Variants in JMJD8 observed in about 807,000 individuals in gnomAD.
JMJD8 encodes the protein jumonji domain containing 8.
In JMJD8, 56 loss-of-function variants were observed where a neutral mutation model predicts 37.6. That is an observed-to-expected ratio of 1.49 (90% CI 1.20 to 1.86). The LOEUF is 1.86. Ranked by LOEUF, JMJD8 falls within the 40% of genes most tolerant of loss-of-function variation. The pLI is 0.00. For synonymous variants in JMJD8, 261 were observed against 163.7 expected (o/e 1.59, Z -4.54); for missense variants, 542 against 362.7 (o/e 1.49, Z -4.01).
chr16:682,205 T>C lies in JMJD8; in HGVS notation c.*589A>G. 1.2e-6 allele frequency: 2 copies of C among 1,612,952 alleles called. No homozygotes were observed. The highest frequency in any genetic ancestry group is 1.1e-5 in the South Asian group (1 of 91,080). ...GACTACCTGTGTGGCAAGATCAGCT[T>C]TGAGCTGATGCGGGAGCCGTGCATC... is the stretch of plus-strand genomic sequence containing the variant. On this transcript the variant is annotated 3_prime_UTR_variant, in exon 9 of 9. Transcript: ENST00000609261.
In JMJD8 at chr16:684,097, C is replaced by G. The variant is rs760089381; in HGVS notation, c.145G>C (p.Ala49Pro). Residue 49 changes from alanine to proline, a missense_variant, in exon 2 of 9, where the codon GCC becomes CCC. By Grantham distance (27) the Ala-to-Pro change is conservative. Coordinates refer to ENST00000609261, the MANE Select transcript of JMJD8 (RefSeq NM_001005920.4). ...EEERCTVERR[A>P]DLTYAEFVQQ... ...ACGAACTCCGCGTAGGTGAGGTCGG[C>G]CCGACGCTCCACCGTGCAGCGCTCC... 6.4e-7 allele frequency: 1 copy of G among 1,571,220 alleles called. No homozygotes were observed. The highest frequency in any genetic ancestry group is 8.6e-7 in the Non-Finnish European group (1 of 1,167,184).
At position 684,071 on chromosome 16, in the gene JMJD8, C is replaced by T; in HGVS notation, c.171G>A (p.Val57=). 2 of 1,580,280 alleles carry T rather than the reference C, an allele frequency of 1.3e-6. No individual in the cohort carries two copies. Among genetic ancestry groups the T allele is most frequent in the Non-Finnish European group, 1.7e-6 (2 of 1,171,606 alleles). Reference sequence around the variant, plus strand: ...GCGATCAGGGGCGCACGTACTGCTGCACGAACTCCGCGTAGGTGAGGTCGG... The same window carrying T: ...GCGATCAGGGGCGCACGTACTGCTGTACGAACTCCGCGTAGGTGAGGTCGG... ...RRADLTYAEF[V]QQYAFVRPVI... is the part of the protein sequence containing the mutation. Residue 57 remains valine (V), a synonymous_variant, in exon 2 of 9, where the codon GTG becomes GTA. Coordinates refer to ENST00000609261, the MANE Select transcript of JMJD8 (RefSeq NM_001005920.4).
At chr16:683,982 A>T in intron 2 of JMJD8, 73 bp from the exon 3 acceptor site, 2 of 1,555,666 alleles carry the variant, frequency 1.3e-6, no homozygotes, top group Non-Finnish European at 1.7e-6. Context: ...CGTGCGCGCG[A>T]GGTCAGGGGA....
rs767441746 is a variant in JMJD8 at position 682,065 on chromosome 16, G to A, written c.*729C>T. The stretch of plus-strand genomic sequence containing the variant: ...GGACGAGCTTTTTTCTCAGGTGGAT[G>A]AGAAGAGGAAGGTGAGTGTGTGTCG... On this transcript the variant is annotated 3_prime_UTR_variant, in exon 9 of 9. Coordinates refer to ENST00000609261, the MANE Select transcript of JMJD8 (RefSeq NM_001005920.4). The A allele has an allele frequency of 2.5e-6, 4 of 1,584,030 alleles. No individual in the cohort carries two copies. Among genetic ancestry groups the A allele is most frequent in the African/African-American group, 1.3e-5 (1 of 74,620 alleles).
At chr16:683,625 G>T (rs768642948) in intron 4 of JMJD8, 27 bp from the exon 5 acceptor site, 7 of 1,576,128 alleles carry the variant, frequency 4.4e-6, no homozygotes, top group Non-Finnish European at 6.0e-6. Context: ...GGTCAGGACC[G>T]TCTGGTCCAG....
intron 2 of JMJD8, 53 bp from the exon 3 acceptor site, chr16:683,962 C>G: frequency 6.4e-7 from 1 of 1,557,454 alleles, no homozygotes; most frequent in Non-Finnish European, 8.6e-7. Flanking sequence ...CTCGCCGCCC[C>G]AGCCCCACGC....
rs777441942 is a variant in JMJD8, at chr16:683,611, G to A, written c.323-13C>T. 4 of 1,576,126 alleles carry A rather than the reference G, an allele frequency of 2.5e-6. No individual in the cohort carries two copies. Among genetic ancestry groups the A allele is most frequent in the East Asian group, 2.3e-5 (1 of 42,798 alleles). ...AAGGGCAAGTCCACTGCAGGAAAGA[G>A]ACGGGTCAGGACCGTCTGGTCCAGC... On this transcript the variant is annotated splice_polypyrimidine_tract_variant and intron_variant, in intron 4 of 8. Coordinates refer to ENST00000609261, the MANE Select transcript of JMJD8 (RefSeq NM_001005920.4).
Position 683,074 on chromosome 16 carries a change from T to A in JMJD8, c.593A>T (p.Tyr198Phe). 1 of 1,613,504 alleles carries A rather than the reference T, an allele frequency of 6.2e-7. No individual in the cohort carries two copies. Among genetic ancestry groups the A allele is most frequent in the Non-Finnish European group, 8.5e-7 (1 of 1,179,848 alleles). ...GAACTCTGGCGTCTTCTCAGGTGGG[T>A]AAAGGAACCAGCGCTGGGGGCATGA... Reference protein sequence around the residue: ...VIYGRKRWFLYPPEKTPEFHP... With the variant: ...VIYGRKRWFLFPPEKTPEFHP... The change falls in exon 8 of 9, where the codon TAC becomes TTC. Residue 198 changes from tyrosine (Y) to phenylalanine (F), a missense_variant. Coordinates refer to ENST00000609261, the MANE Select transcript of JMJD8 (RefSeq NM_001005920.4).
In JMJD8 at chr16:683,845, AC is replaced by A; in HGVS notation, c.225+15del. On this transcript the variant is annotated intron_variant, in intron 3 of 8. Transcript: ENST00000609261. ...CACGGGCGAGAGTGGCCGGGGACGG[AC>A]GGGCACGCGCTCACCGAGTTGTCCG... The A allele has an allele frequency of 6.3e-7, 1 of 1,584,162 alleles. No individual in the cohort carries two copies.
In JMJD8 at chr16:683,745, C is replaced by G. The variant is rs1445887192; in HGVS notation, c.262G>C (p.Ala88Pro). The change falls in exon 4 of 9, where the codon GCT becomes CCT. Residue 88 changes from alanine (A) to proline (P), a missense_variant. By Grantham distance (27) the Ala-to-Pro change is conservative. Transcript: ENST00000609261. ...CGGACCACTCTGTCCCCAAACGAAG[C>G]CAGCAACCTGTCGCGGGAGCACAGG... ...RALCSRDRLL[A>P]SFGDRVVRLS... 8.1e-6 allele frequency: 13 copies of G among 1,610,010 alleles called. No individual in the cohort carries two copies. Among genetic ancestry groups the G allele is most frequent in the South Asian group, 1.1e-5 (1 of 90,564 alleles).
chr16:683,913 G>T lies in JMJD8; in HGVS notation c.177-4C>A, dbSNP rs575254569. On this transcript the variant is annotated splice_polypyrimidine_tract_variant and splice_region_variant and intron_variant, in intron 2 of 8. Transcript: ENST00000609261. Reference sequence around the variant, plus strand: ...GACGGGCCTGACGAAGGCGTACCTGGAAAGAAGGGCAGAGTCGCGGCCAGG... The same window carrying T: ...GACGGGCCTGACGAAGGCGTACCTGTAAAGAAGGGCAGAGTCGCGGCCAGG... 6.3e-7 allele frequency: 1 copy of T among 1,576,700 alleles called. No homozygotes were observed.
In JMJD8 at chr16:684,073, C is replaced by G. The variant is rs762808176; in HGVS notation, c.169G>C (p.Val57Leu). The change falls in exon 2 of 9, where the codon GTG becomes CTG. Residue 57 changes from valine to leucine, a missense_variant. By Grantham distance (32) the Val-to-Leu change is conservative. Coordinates refer to ENST00000609261, the MANE Select transcript of JMJD8 (RefSeq NM_001005920.4). ...GATCAGGGGCGCACGTACTGCTGCA[C>G]GAACTCCGCGTAGGTGAGGTCGGCC... is the stretch of plus-strand genomic sequence containing the variant. ...RRADLTYAEF[V>L]QQYAFVRPVI... The G allele has an allele frequency of 6.3e-7, 1 of 1,579,768 alleles. No homozygotes were observed. The highest frequency in any genetic ancestry group is 8.5e-7 in the Non-Finnish European group (1 of 1,171,362).
In JMJD8 at chr16:684,096, G is replaced by A. The variant is rs570838901; in HGVS notation, c.146C>T (p.Ala49Val). Residue 49 changes from alanine to valine, a missense_variant, in exon 2 of 9, where the codon GCC becomes GTC. Coordinates refer to ENST00000609261, the MANE Select transcript of JMJD8 (RefSeq NM_001005920.4). ...CACGAACTCCGCGTAGGTGAGGTCG[G>A]CCCGACGCTCCACCGTGCAGCGCTC... ...EEERCTVERRADLTYAEFVQQ... is the reference protein window; with the variant it reads ...EEERCTVERRVDLTYAEFVQQ... 2.5e-6 allele frequency: 4 copies of A among 1,571,564 alleles called. No individual in the cohort carries two copies. The highest frequency in any genetic ancestry group is 4.7e-5 in the East Asian group (2 of 42,972).
At chr16:683,940 C>A in intron 2 of JMJD8, 31 bp from the exon 3 acceptor site, 2 of 1,562,128 alleles carry the variant, frequency 1.3e-6, no homozygotes, top group Non-Finnish European at 1.7e-6. Flanking sequence ...GCGGCCAGGC[C>A]GGACCGCCAG....
rs751364557 is a variant in JMJD8 at position 682,824 on chromosome 16, G to A, written c.765C>T (p.Thr255=). Residue 255 remains threonine, a synonymous_variant, in exon 9 of 9, where the codon ACC becomes ACT. Coordinates refer to ENST00000609261, the MANE Select transcript of JMJD8 (RefSeq NM_001005920.4). ...CGAGGAAGGTGGAGATGAAGACGCT[G>A]GTGTCAAGGTTGAGCGTAGCATGCC... The part of the protein sequence containing the change: ...RWWHATLNLD[T]SVFISTFLG The A allele has an allele frequency of 6.2e-7, 1 of 1,613,016 alleles. No individual in the cohort carries two copies. Among genetic ancestry groups the A allele is most frequent in the Non-Finnish European group, 8.5e-7 (1 of 1,179,874 alleles).
At position 681,946 on chromosome 16, in the gene JMJD8, TTG is replaced by T. The variant is rs775658199; in HGVS notation, c.*846_*847del. ...CACGTGGCGTGGGAGCATCCCCGCC[TTG>T]TGTTGGGTCTGTGCCCCATGGAGGA... is the stretch of plus-strand genomic sequence containing the variant. On this transcript the variant is annotated 3_prime_UTR_variant, in exon 9 of 9. Coordinates refer to ENST00000609261, the MANE Select transcript of JMJD8 (RefSeq NM_001005920.4). 1.2e-6 allele frequency: 2 copies of T among 1,612,168 alleles called. No individual in the cohort carries two copies. Among genetic ancestry groups the T allele is most frequent in the South Asian group, 2.2e-5 (2 of 91,032 alleles).
rs111609461 is a variant in JMJD8 at position 683,187 on chromosome 16, C to A, written c.559G>T (p.Glu187Ter). 5.8e-5 allele frequency: 93 copies of A among 1,613,340 alleles called. No homozygotes were observed. The highest frequency in any genetic ancestry group is 3.3e-4 in the Middle Eastern group (2 of 6,062). ...CTGACCTTACGACCGTAGATCACTT[C>A]TGAGTACCCGGGTCCATGCCAGTGG... ...PFHWHGPGYSEVIYGRKRWFL... is the reference protein window; with the variant it reads ...PFHWHGPGYS Residue 187 changes from glutamate (E) to a stop codon, truncating the protein, a stop_gained, in exon 7 of 9, where the codon GAA becomes TAA. Transcript: ENST00000609261. LOFTEE classifies it high-confidence loss of function.
In JMJD8 at chr16:681,718, T is replaced by C. The variant is rs1359693228; in HGVS notation, c.*1076A>G. The C allele has an allele frequency of 1.3e-6, 2 of 1,552,472 alleles. No individual in the cohort carries two copies. The highest frequency in any genetic ancestry group is 1.7e-6 in the Non-Finnish European group (2 of 1,143,370). On this transcript the variant is annotated 3_prime_UTR_variant, in exon 9 of 9. Transcript: ENST00000609261. The stretch of plus-strand genomic sequence containing the variant: ...AGCAGGAAATGTGGGGAAGTGTGGA[T>C]GTTAGCTCTGAGATTGGGGTGTGGT...
Position 682,214 on chromosome 16 carries a change from T to C in JMJD8, c.*580A>G, listed in dbSNP as rs587777345. 6.2e-7 allele frequency: 1 copy of C among 1,612,940 alleles called. No individual in the cohort carries two copies. Among genetic ancestry groups the C allele is most frequent in the Non-Finnish European group, 8.5e-7 (1 of 1,179,828 alleles). On this transcript the variant is annotated 3_prime_UTR_variant, in exon 9 of 9. Coordinates refer to ENST00000609261, the MANE Select transcript of JMJD8 (RefSeq NM_001005920.4). ...TGTGGCAAGATCAGCTTTGAGCTGA[T>C]GCGGGAGCCGTGCATCACGCCCAGT...
Sources: gnomAD v4.1 joint callset for allele counts on GRCh38, gnomAD v4.1.1 for gene constraint, MANE v1.5 for transcripts, NCBI Gene and HGNC (gene_info 2026-07-23, HGNC 2026-07-21) for gene names.